The following NCAM2 variants were observed in gnomAD, a reference collection of about 807,000 sequenced individuals.
NCAM2 encodes neural cell adhesion molecule 2.
In NCAM2, 30 loss-of-function variants were observed where a neutral mutation model predicts 98.1. The ratio of observed to expected loss-of-function variants is 0.31; its 90% CI spans 0.23 to 0.41. The LOEUF is 0.41. Among genes scored for constraint, NCAM2 ranks in the 10% least tolerant of loss-of-function variants. The probability of loss-of-function intolerance (pLI) is 1.00; values close to 1 mark genes in which losing one functional copy is unlikely to be tolerated. For synonymous variants in NCAM2, 368 were observed against 342.4 expected (o/e 1.07, Z -0.83); for missense variants, 867 against 1,005.8 (o/e 0.86, Z 1.87).
intron 9 of NCAM2, among the ~76,000 whole-genome samples, chr21:21,396,305 A>T (rs2076505373): frequency 6.6e-6 from 1 of 152,228 alleles, no homozygotes; most frequent in African/African-American, 2.4e-5. Context: ...CCACAATGTG[A>T]TACAACCTCC....
intron 1 of NCAM2, among the ~76,000 whole-genome samples, chr21:21,225,023 C>A (rs2070323905): frequency 6.6e-6 from 1 of 151,950 alleles, no homozygotes; most frequent in African/African-American, 2.4e-5. Context: ...AAATGCCCAT[C>A]AACAATAGGC....
chr21:21,207,074 A>T (rs996581051), intron 1 of NCAM2, among the ~76,000 whole-genome samples: 2 of 152,194 alleles, frequency 1.3e-5, no homozygotes, highest in Non-Finnish European at 2.9e-5. Context: ...AAATTAAACT[A>T]TAGACATTGT....
chr21:21,322,998 A>G (rs2074417549), intron 5 of NCAM2, among the ~76,000 whole-genome samples: 1 of 152,128 alleles, frequency 6.6e-6, no homozygotes, highest in Admixed American at 6.6e-5. Context: ...AGCGTTGACT[A>G]CTTAACACAT....
intron 1 of NCAM2, among the ~76,000 whole-genome samples, chr21:21,021,939 A>G (rs1052630625): frequency 1.3e-5 from 2 of 152,044 alleles, no homozygotes; most frequent in Non-Finnish European, 2.9e-5. Flanking sequence ...TGTTCAGTAA[A>G]TAGTTTTTGA....
At position 21,530,680 on chromosome 21, in the gene NCAM2, A is replaced by G. The variant is rs1989643457; in HGVS notation, c.2283-3857A>G. ...ATTTCAGCACATAAATCTCTTCCTC[A>G]TTCTTTTCATAAATGAGTAGTATTC... On this transcript the variant is annotated intron_variant, in intron 16 of 17. Transcript: ENST00000400546. Among the ~76,000 whole-genome samples, 3 of 151,854 alleles carry G rather than the reference A, an allele frequency of 2.0e-5. No homozygotes were observed. In the South Asian group the frequency reaches 6.2e-4, roughly 31 times the overall value.
intron 12 of NCAM2, 126 bp from the exon 13 acceptor site, chr21:21,466,480 A>C: frequency 1.5e-6 from 1 of 681,040 alleles, no homozygotes; most frequent in Non-Finnish European, 2.2e-6. Flanking sequence ...ATTTCATGGA[A>C]AGATTTCAGT....
intron 1 of NCAM2, among the ~76,000 whole-genome samples, chr21:21,067,871 T>C (rs183022178): frequency 3.3e-5 from 5 of 152,248 alleles, no homozygotes; most frequent in Admixed American, 2.0e-4. Context: ...GACCCTTTTA[T>C]GTGGGTTATA....
chr21:21,120,719 GTT>G (rs56905252), intron 1 of NCAM2, among the ~76,000 whole-genome samples: 1 of 142,262 alleles, frequency 7.0e-6, no homozygotes, highest in African/African-American at 2.6e-5. Context: ...TTTTTTGTGG[GTT>G]TTTTTTTTTT....
chr21:21,070,067 C>A (rs530582976), intron 1 of NCAM2, among the ~76,000 whole-genome samples: 4 of 152,142 alleles, frequency 2.6e-5, no homozygotes, highest in Admixed American at 2.0e-4. Flanking sequence ...AATGTTTCAA[C>A]CTACAAAATA....
chr21:21,152,702 T>A (rs1461960014), intron 1 of NCAM2, among the ~76,000 whole-genome samples: 4 of 152,106 alleles, frequency 2.6e-5, no homozygotes, highest in Non-Finnish European at 5.9e-5. Context: ...CACTGTACTC[T>A]GCCTTAATGG....
intron 1 of NCAM2, among the ~76,000 whole-genome samples, chr21:21,277,245 T>A (rs1448282322): frequency 6.6e-6 from 1 of 152,134 alleles, no homozygotes; most frequent in Non-Finnish European, 1.5e-5. Flanking sequence ...CTGCCATTCA[T>A]TCATATATTA....
At chr21:21,077,078 G>A (rs2065695797) in intron 1 of NCAM2, among the ~76,000 whole-genome samples, 2 of 152,144 alleles carry the variant, frequency 1.3e-5, no homozygotes, top group South Asian at 4.1e-4. Flanking sequence ...TATCATCTGT[G>A]ATCTTGAGCA....
chr21:21,340,539 T>G (rs1039701810), intron 8 of NCAM2, among the ~76,000 whole-genome samples: 1 of 152,156 alleles, frequency 6.6e-6, no homozygotes, highest in Middle Eastern at 3.4e-3. Flanking sequence ...AAATCTGACT[T>G]GGTTTCTTTG....
chr21:21,418,107 A>G (rs112963351), intron 10 of NCAM2, among the ~76,000 whole-genome samples: 1 of 77,644 alleles, frequency 1.3e-5, no homozygotes, highest in East Asian at 6.8e-4. Context: ...ATATATATAC[A>G]TGTATACATA....
At chr21:21,366,957 A>C (rs1265342975) in intron 8 of NCAM2, among the ~76,000 whole-genome samples, 2 of 152,046 alleles carry the variant, frequency 1.3e-5, no homozygotes, top group African/African-American at 2.4e-5. Flanking sequence ...GAAACAATGC[A>C]GTCAATACTT....
chr21:21,147,801 G>T, intron 1 of NCAM2, among the ~76,000 whole-genome samples: 1 of 97,996 alleles, frequency 1.0e-5, no homozygotes, highest in South Asian at 4.1e-4. Context: ...TAAATTTATT[G>T]AATATATATA....
chr21:21,180,320 C>T, intron 1 of NCAM2, among the ~76,000 whole-genome samples: 1 of 152,022 alleles, frequency 6.6e-6, no homozygotes, highest in East Asian at 1.9e-4. Flanking sequence ...GATATTTTAC[C>T]CATTTTTAAT....
At position 20,998,675 on chromosome 21, in the gene NCAM2, A is replaced by G. The variant is rs773069964; in HGVS notation, c.55+57A>G. ...TCCCTCCCCCTTCCACCCGGCCAAG[A>G]GAGGCAAAGAGGGAGGCGCAGGAAG... On this transcript the variant is annotated intron_variant, in intron 1 of 17. Coordinates refer to ENST00000400546, the MANE Select transcript of NCAM2 (RefSeq NM_004540.5). 6.3e-5 allele frequency: 94 copies of G among 1,481,140 alleles called. 3 individuals are homozygous for G. The Middle Eastern group carries it at 1.5e-3, about 24-fold the overall frequency. The allele number at this position is 1,481,140 out of a possible 1,614,324, so 91.7% of individuals were successfully genotyped here.
At chr21:21,470,308 C>T (rs1261736363) in intron 14 of NCAM2, among the ~76,000 whole-genome samples, 1 of 152,044 alleles carries the variant, frequency 6.6e-6, no homozygotes, top group African/African-American at 2.4e-5. Flanking sequence ...AAAAATCTGA[C>T]TTCAAATTCA....
Sources: gnomAD v4.1 joint callset for allele counts (sites outside exome capture counted in the v4.1 genomes callset) on GRCh38, gnomAD v4.1.1 for gene constraint, MANE v1.5 for transcripts, NCBI Gene and HGNC (gene_info 2026-07-23, HGNC 2026-07-21) for gene names.